The following MYL3 variants were observed in gnomAD, a reference collection of about 807,000 sequenced individuals.
The protein encoded by MYL3 is myosin light chain 3.
MYL3 carries 11 observed loss-of-function variants against 21.3 expected under a neutral mutation model. The observed-to-expected ratio is 0.52, with a 90% CI of 0.32 to 0.85. The LOEUF is 0.85. Among genes scored for constraint, MYL3 ranks in the 40% least tolerant of loss-of-function variants. The probability of loss-of-function intolerance (pLI) is 0.03; values close to 1 mark genes in which losing one functional copy is unlikely to be tolerated. For missense variants in MYL3, 206 were observed against 253.3 expected (o/e 0.81, Z 1.27); for synonymous variants, 88 against 91.6 (o/e 0.96, Z 0.22).
rs778321596 is a variant in MYL3, at chr3:46,874,815, C to G, written c.-218+7259G>C. Among the ~76,000 whole-genome samples, 2 of 152,146 alleles carry G rather than the reference C, an allele frequency of 1.3e-5. No individual in the cohort carries two copies. Among genetic ancestry groups the G allele is most frequent in the Non-Finnish European group, 2.9e-5 (2 of 68,028 alleles). ...GGGAAATCACACTCTACCCAGAAGGCGTCTGGGAAACAGGACCCGCTTTGG... is the reference window on the plus strand; with the variant it reads ...GGGAAATCACACTCTACCCAGAAGGGGTCTGGGAAACAGGACCCGCTTTGG... On this transcript the variant is annotated intron_variant, in intron 1 of 3. Coordinates refer to the MYL3 transcript ENST00000431168. This position sits in a 1 kb window ranked among gnomAD's most constrained non-coding sequence, Gnocchi z 4.1.
At chr3:46,870,664 C>G (rs1404529128) in intron 1 of MYL3, among the ~76,000 whole-genome samples, 1 of 152,120 alleles carries the variant, frequency 6.6e-6, no homozygotes, top group Non-Finnish European at 1.5e-5. Context: ...ATTTATGTAT[C>G]CACCCTCCCA....
chr3:46,868,216 C>T (rs373509900), upstream of MYL3, among the ~76,000 whole-genome samples: 5 of 152,188 alleles, frequency 3.3e-5, no homozygotes, highest in Non-Finnish European at 7.3e-5. Context: ...GCAGTAGACT[C>T]CCTATGCTCC....
intron 1 of MYL3, among the ~76,000 whole-genome samples, chr3:46,871,527 A>G (rs529382882): frequency 6.6e-6 from 1 of 151,870 alleles, no homozygotes; most frequent in African/African-American, 2.4e-5. Flanking sequence ...CAGATCTTGG[A>G]CCCCAGTGCA....
chr3:46,869,570 G>A (rs760237433), intron 1 of MYL3, among the ~76,000 whole-genome samples: 19 of 152,248 alleles, frequency 1.2e-4, no homozygotes, highest in Non-Finnish European at 2.5e-4. Flanking sequence ...GATAGTCTAT[G>A]TGTGTGTAAC....
At chr3:46,878,657 C>G (rs892485647) in intron 1 of MYL3, among the ~76,000 whole-genome samples, 2 of 152,316 alleles carry the variant, frequency 1.3e-5, no homozygotes, top group East Asian at 3.9e-4. Flanking sequence ...ATTGCTCAGA[C>G]AGCTGAGCCT....
intron 1 of MYL3, among the ~76,000 whole-genome samples, chr3:46,868,843 CCT>C (rs894670780): frequency 3.3e-5 from 5 of 152,182 alleles, no homozygotes; most frequent in African/African-American, 1.2e-4. Flanking sequence ...ATACTGCACC[CCT>C]GTTTAGTCCA....
At chr3:46,877,006 G>C (rs2106931004) in intron 1 of MYL3, among the ~76,000 whole-genome samples, 1 of 152,250 alleles carries the variant, frequency 6.6e-6, no homozygotes, top group South Asian at 2.1e-4. Flanking sequence ...AAGTCATCCT[G>C]TCCACAGCCC....
At position 46,859,702 on chromosome 3, in the gene MYL3, C is replaced by CAGCCT; in HGVS notation, c.308-55_308-54insAGGCT. On this transcript the variant is annotated intron_variant, in intron 3 of 6. Transcript: ENST00000292327. This position sits in a 1 kb window ranked among gnomAD's most constrained non-coding sequence, Gnocchi z 4.1. ...GTCTAAGGCTGGGGTGGGCACACCC[C>CAGCCT]TCCCCCATGCCTGATAATGAGGAGC... 1 of 1,596,186 alleles carries CAGCCT rather than the reference C, an allele frequency of 6.3e-7. No individual in the cohort carries two copies. The highest frequency in any genetic ancestry group is 8.6e-7 in the Non-Finnish European group (1 of 1,164,082).
chr3:46,870,434 G>A (rs1159114577), intron 1 of MYL3, among the ~76,000 whole-genome samples: 1 of 152,014 alleles, frequency 6.6e-6, no homozygotes, highest in East Asian at 1.9e-4. Context: ...AGTGCTGGCT[G>A]GGAGGACCTC....
intron 1 of MYL3, among the ~76,000 whole-genome samples, chr3:46,870,098 A>G (rs1702094234): frequency 6.6e-6 from 1 of 152,122 alleles, no homozygotes; most frequent in African/African-American, 2.4e-5. Flanking sequence ...TAGGAGGGTC[A>G]GGGACAAATG....
At position 46,860,906 on chromosome 3, in the gene MYL3, A is replaced by T. The variant is rs1701986100; in HGVS notation, c.157+54T>A. On this transcript the variant is annotated intron_variant, in intron 2 of 6. Coordinates refer to ENST00000292327, the MANE Select transcript of MYL3 (RefSeq NM_000258.3). The surrounding 1 kb of genome is among the most constrained non-coding windows in gnomAD (Gnocchi z 4.6). Reference sequence around the variant, plus strand: ...CCCACACCCCTGGCAGGACCCTCAGACCAGGGAACCCCAGCCCAATCCTGC... The same window carrying T: ...CCCACACCCCTGGCAGGACCCTCAGTCCAGGGAACCCCAGCCCAATCCTGC... The T allele has an allele frequency of 6.2e-7, 1 of 1,613,730 alleles. No individual in the cohort carries two copies. Among genetic ancestry groups the T allele is most frequent in the Admixed American group, 1.7e-5 (1 of 59,978 alleles).
intron 1 of MYL3, among the ~76,000 whole-genome samples, chr3:46,877,528 A>C (rs1261415863): frequency 2.0e-5 from 3 of 152,170 alleles, no homozygotes; most frequent in South Asian, 4.1e-4. Context: ...CCTGGCAGGC[A>C]GACCCATGGG....
chr3:46,865,218 C>G (rs1575499523), upstream of MYL3, among the ~76,000 whole-genome samples: 1 of 152,160 alleles, frequency 6.6e-6, no homozygotes, highest in South Asian at 2.1e-4. This position sits in a 1 kb window ranked among gnomAD's most constrained non-coding sequence, Gnocchi z 4.3. Flanking sequence ...CACGTTCTGC[C>G]TCTCATCTGG....
In MYL3 at chr3:46,859,331, CA is replaced by C; in HGVS notation, c.481+143del. 1 of 1,051,704 alleles carries C rather than the reference CA, an allele frequency of 9.5e-7. No homozygotes were observed. The highest frequency in any genetic ancestry group is 2.4e-5 in the East Asian group (1 of 42,024). The allele number at this position is 1,051,704 out of a possible 1,614,324, so 65.1% of individuals were successfully genotyped here. ...CTTGCTTTACTCTCCTCCTAAGTAA[CA>C]TTTCTGTTGTCTGCCATTGAGGCTC... is the stretch of plus-strand genomic sequence containing the variant. On this transcript the variant is annotated intron_variant, in intron 4 of 6. Transcript: ENST00000292327. This position sits in a 1 kb window ranked among gnomAD's most constrained non-coding sequence, Gnocchi z 4.1.
Position 46,858,023 on chromosome 3 carries a change from C to T in MYL3, c.*92G>A. 1.6e-6 allele frequency: 1 copy of T among 637,418 alleles called. No individual in the cohort carries two copies. Among genetic ancestry groups the T allele is most frequent in the Non-Finnish European group, 2.8e-6 (1 of 361,024 alleles). 39.5% of individuals were successfully genotyped at this position (637,418 alleles called of 1,614,324 possible). On this transcript the variant is annotated 3_prime_UTR_variant, in exon 7 of 7. Transcript: ENST00000292327. ...CAGGAGTCTTGGTAAGGCTCCCCTC[C>T]TTCCCACGACTCCAGGCCGCTGGTG...
chr3:46,861,891 G>A lies in MYL3; in HGVS notation c.130-904C>T, dbSNP rs945215557. On this transcript the variant is annotated intron_variant, in intron 1 of 6. Coordinates refer to ENST00000292327, the MANE Select transcript of MYL3 (RefSeq NM_000258.3). This position sits in a 1 kb window ranked among gnomAD's most constrained non-coding sequence, Gnocchi z 4.2. ...CCCACCAATCTCCACAGTGCATGCC[G>A]GCACAGAGGGACACCCTGTTCAGGG... Among the ~76,000 whole-genome samples the A allele has an allele frequency of 4.6e-5, 7 of 152,174 alleles. No homozygotes were observed. The highest frequency in any genetic ancestry group is 9.7e-5 in the African/African-American group (4 of 41,434).
chr3:46,881,591 C>T (rs1188290167), intron 1 of MYL3, among the ~76,000 whole-genome samples: 1 of 152,158 alleles, frequency 6.6e-6, no homozygotes, highest in African/African-American at 2.4e-5. Flanking sequence ...AGACCCGGAC[C>T]CGAAGAGACG....
upstream of MYL3, chr3:46,863,592 G>A: frequency 5.2e-6 from 3 of 576,278 alleles, no homozygotes; most frequent in South Asian, 6.0e-5. Flanking sequence ...CATTGTTCAG[G>A]CTCAGGAATG....
chr3:46,874,474 G>A lies in MYL3; in HGVS notation c.-218+7600C>T, dbSNP rs1370733753. On this transcript the variant is annotated intron_variant, in intron 1 of 3. Transcript: ENST00000431168. The surrounding 1 kb of genome is among the most constrained non-coding windows in gnomAD (Gnocchi z 4.1). ...TCGAGGGCTCCCGGCCACAGCCCCC[G>A]GCAAGGACCCAGTGTCTGAGCTAAC... Among the ~76,000 whole-genome samples the A allele has an allele frequency of 2.6e-5, 4 of 152,208 alleles. No homozygotes were observed. The East Asian group carries it at 5.8e-4, about 22-fold the overall frequency.
Sources: gnomAD v4.1 joint callset for allele counts (sites outside exome capture counted in the v4.1 genomes callset) on GRCh38, gnomAD v4.1.1 for gene constraint, Gnocchi (gnomAD v3.1) non-coding constraint, MANE v1.5 for transcripts, NCBI Gene and HGNC (gene_info 2026-07-23, HGNC 2026-07-21) for gene names.